The following ATP8A2 variants were observed in gnomAD, a reference collection of about 807,000 sequenced individuals.
ATP8A2 encodes the protein ATPase phospholipid transporting 8A2.
ATP8A2 carries 100 observed loss-of-function variants against 165.6 expected under a neutral mutation model. The ratio of observed to expected loss-of-function variants is 0.60; its 90% CI spans 0.51 to 0.71. The LOEUF (loss-of-function observed/expected upper bound fraction) is 0.71. ATP8A2 is among the 30% of genes least tolerant of loss of function. ATP8A2 has a pLI of 0.00. For missense variants in ATP8A2, 1,227 were observed against 1,479.5 expected (o/e 0.83, Z 2.80); for synonymous variants, 543 against 548.8 (o/e 0.99, Z 0.15).
chr13:25,839,431 C>G, intron 29 of ATP8A2, 115 bp from the exon 30 acceptor site: 1 of 688,910 alleles, frequency 1.5e-6, no homozygotes, highest in Non-Finnish European at 2.6e-6. Flanking sequence ...ATATGCTACT[C>G]CTGGAACCGT....
chr13:25,934,284 G>C (rs1216695692), intron 33 of ATP8A2, among the ~76,000 whole-genome samples: 4 of 152,214 alleles, frequency 2.6e-5, no homozygotes, highest in Non-Finnish European at 5.9e-5. Flanking sequence ...GAATCCATTA[G>C]GTAAGTGTCT....
At chr13:25,741,026 G>A (rs756589024) in intron 25 of ATP8A2, among the ~76,000 whole-genome samples, 5 of 152,158 alleles carry the variant, frequency 3.3e-5, no homozygotes, top group Non-Finnish European at 5.9e-5. Context: ...ATAAAGCTAT[G>A]TGAGTAACCA....
At chr13:25,668,139 T>C (rs1172311224) in intron 24 of ATP8A2, among the ~76,000 whole-genome samples, 1 of 152,216 alleles carries the variant, frequency 6.6e-6, no homozygotes, top group East Asian at 1.9e-4. Context: ...GTGATTGTTA[T>C]TTCTTCATAT....
At chr13:25,972,050 G>C (rs1016385268) in intron 35 of ATP8A2, among the ~76,000 whole-genome samples, 6 of 152,080 alleles carry the variant, frequency 3.9e-5, no homozygotes, top group Admixed American at 3.9e-4. Context: ...TATTCTAGCA[G>C]TTTTTCTTAG....
chr13:25,385,903 G>T (rs562524329), intron 1 of ATP8A2, among the ~76,000 whole-genome samples: 14 of 151,024 alleles, frequency 9.3e-5, no homozygotes, highest in African/African-American at 3.4e-4. Context: ...GTGTTGCCCA[G>T]ACTTGGGCTT....
chr13:25,988,175 T>A (rs1486534894), intron 35 of ATP8A2, among the ~76,000 whole-genome samples: 1 of 152,238 alleles, frequency 6.6e-6, no homozygotes, highest in Non-Finnish European at 1.5e-5. Flanking sequence ...AACACTTGCA[T>A]GTCCAGGTCC....
intron 13 of ATP8A2, among the ~76,000 whole-genome samples, chr13:25,557,166 A>G (rs2039005659): frequency 6.6e-6 from 1 of 152,124 alleles, no homozygotes; most frequent in Admixed American, 6.6e-5. Context: ...TTTTGTCTTT[A>G]TCTTTCCTTA....
Position 25,492,076 on chromosome 13 carries a change from A to G in ATP8A2, c.221+22955A>G, listed in dbSNP as rs2010982. 4.9e-3 allele frequency among the ~76,000 whole-genome samples: 740 copies of G among 151,984 alleles called. 7 individuals are homozygous for G. Among genetic ancestry groups the G allele is most frequent in the African/African-American group, 0.017 (712 of 41,464 alleles). On this transcript the variant is annotated intron_variant, in intron 2 of 36. Transcript: ENST00000381655. ...TGCAGTTTTATTTTTTTTGTTTTTG[A>G]GACGGAGTCTCACTCTGTTGTCCAG...
chr13:25,400,472 G>A (rs557326556), intron 1 of ATP8A2, among the ~76,000 whole-genome samples: 44 of 152,156 alleles, frequency 2.9e-4, no homozygotes, highest in African/African-American at 1.0e-3. Context: ...AGGGCATTTG[G>A]GTTCTTCAAC....
chr13:25,637,621 G>A (rs554592984), intron 24 of ATP8A2, among the ~76,000 whole-genome samples: 1 of 152,222 alleles, frequency 6.6e-6, no homozygotes, highest in Admixed American at 6.5e-5. Flanking sequence ...AGCTCAAACT[G>A]TGTGGAGCCT....
intron 33 of ATP8A2, among the ~76,000 whole-genome samples, chr13:25,904,173 A>G (rs1953857973): frequency 6.6e-6 from 1 of 152,188 alleles, no homozygotes; most frequent in Admixed American, 6.5e-5. Context: ...ACACTCAAAA[A>G]GTTCTGGGTT....
intron 1 of ATP8A2, among the ~76,000 whole-genome samples, chr13:25,410,177 T>G (rs865984281): frequency 7.2e-5 from 11 of 151,960 alleles, no homozygotes; most frequent in African/African-American, 2.4e-4. Context: ...CACTTACAAG[T>G]GTAAAAGAAT....
chr13:25,763,212 T>A (rs2044419647), intron 25 of ATP8A2, among the ~76,000 whole-genome samples: 2 of 152,312 alleles, frequency 1.3e-5, no homozygotes, highest in Admixed American at 1.3e-4. Context: ...CATTCGCTCA[T>A]GGATTGTTCT....
chr13:25,797,086 GGT>G (rs35346674), intron 27 of ATP8A2, among the ~76,000 whole-genome samples: 32,469 of 151,908 alleles, frequency 0.21, 3,513 homozygotes, highest in South Asian at 0.25. Context: ...TGGCCAACAT[GGT>G]GAAACCCCAT....
intron 13 of ATP8A2, among the ~76,000 whole-genome samples, chr13:25,558,544 G>A (rs1182304099): frequency 2.0e-5 from 3 of 152,074 alleles, no homozygotes; most frequent in African/African-American, 7.2e-5. Flanking sequence ...AGTTCTCTGG[G>A]ATCTCTGGAA....
chr13:25,546,426 C>T (rs1307974838), intron 10 of ATP8A2, among the ~76,000 whole-genome samples: 1 of 151,844 alleles, frequency 6.6e-6, no homozygotes, highest in African/African-American at 2.4e-5. Flanking sequence ...TAGCTGGAAG[C>T]CATCCTGTTT....
chr13:25,777,850 G>A (rs970408060), intron 27 of ATP8A2, among the ~76,000 whole-genome samples: 1 of 152,186 alleles, frequency 6.6e-6, no homozygotes, highest in African/African-American at 2.4e-5. Context: ...ACACATGGAT[G>A]TATTCATGTT....
intron 10 of ATP8A2, 45 bp downstream of exon 10, chr13:25,543,447 T>C: frequency 7.9e-7 from 1 of 1,268,512 alleles, no homozygotes; most frequent in South Asian, 1.3e-5. Context: ...TTCTTTCTGC[T>C]TTTATTGACT....
chr13:25,712,945 C>T (rs1297320538), intron 25 of ATP8A2, among the ~76,000 whole-genome samples: 1 of 152,096 alleles, frequency 6.6e-6, no homozygotes, highest in Non-Finnish European at 1.5e-5. Flanking sequence ...TTGATAAAAG[C>T]AAAAGTAAGA....
Sources: allele counts gnomAD v4.1 joint callset (sites outside exome capture counted in the v4.1 genomes callset), GRCh38; gene constraint gnomAD v4.1.1; transcripts MANE v1.5; gene names NCBI Gene and HGNC (gene_info 2026-07-23, HGNC 2026-07-21).